TAF3: variants seen among roughly 807,000 people sequenced by gnomAD.
The protein encoded by TAF3 is transcription initiation factor TFIID subunit 3.
A neutral mutation model predicts 80.6 loss-of-function variants in TAF3; 7 were observed. The ratio of observed to expected loss-of-function variants is 0.09; its 90% confidence interval spans 0.05 to 0.16. The LOEUF (loss-of-function observed/expected upper bound fraction) is 0.16. Ranked by LOEUF, TAF3 falls within the 10% of genes least tolerant of loss-of-function variation. TAF3 has a pLI of 1.00. For missense variants in TAF3, 921 were observed against 1,140.2 expected (o/e 0.81, Z 2.77); for synonymous variants, 444 against 446.1 (o/e 1.00, Z 0.06).
At chr10:7,997,532 A>G (rs1284928861) in intron 4 of TAF3, among the ~76,000 whole-genome samples, 3 of 152,146 alleles carry the variant, frequency 2.0e-5, no homozygotes, top group Non-Finnish European at 2.9e-5. Context: ...GACCCATTCT[A>G]TTTATGTCAC....
intron 4 of TAF3, among the ~76,000 whole-genome samples, chr10:7,996,842 A>ATTTTTTTTT (rs34866346): frequency 3.1e-4 from 41 of 131,708 alleles, no homozygotes; most frequent in South Asian, 5.0e-4. Flanking sequence ...ACCACACTCT[A>ATTTTTTTTT]TTTTTTTTTT....
At chr10:7,907,250 C>G (rs1837615596) in intron 2 of TAF3, among the ~76,000 whole-genome samples, 1 of 152,136 alleles carries the variant, frequency 6.6e-6, no homozygotes, top group African/African-American at 2.4e-5. Context: ...AATCACAGCC[C>G]TTCTGCAGGG....
At chr10:7,841,589 G>A (rs1588519905) in intron 2 of TAF3, among the ~76,000 whole-genome samples, 1 of 152,194 alleles carries the variant, frequency 6.6e-6, no homozygotes, top group African/African-American at 2.4e-5. Flanking sequence ...GAGAAGGATG[G>A]ACTCAAGAGG....
chr10:7,839,827 T>C (rs187563147), intron 2 of TAF3, among the ~76,000 whole-genome samples: 1 of 152,378 alleles, frequency 6.6e-6, no homozygotes, highest in Admixed American at 6.5e-5. Context: ...GAAATCTCTG[T>C]GTCTCTTGCT....
chr10:7,860,148 T>C (rs1459854349), intron 2 of TAF3, among the ~76,000 whole-genome samples: 1 of 151,958 alleles, frequency 6.6e-6, no homozygotes, highest in Non-Finnish European at 1.5e-5. Flanking sequence ...GGTGCATGCC[T>C]GTAGTCCCAG....
chr10:7,845,988 C>G lies in TAF3; in HGVS notation c.409+21428C>G, dbSNP rs1380610896. On this transcript the variant is annotated intron_variant, in intron 2 of 6. Coordinates refer to ENST00000344293, the MANE Select transcript of TAF3 (RefSeq NM_031923.4). ...TTTTTTTTTTTTTTTGAGGCAATGTCTCGCCTGTCACCCAGGCTGGAGTGC... is the reference window on the plus strand; with the variant it reads ...TTTTTTTTTTTTTTTGAGGCAATGTGTCGCCTGTCACCCAGGCTGGAGTGC... Among the ~76,000 whole-genome samples the G allele has an allele frequency of 2.3e-5, 3 of 128,128 alleles. No homozygotes were observed. In the Admixed American group the frequency reaches 2.5e-4, roughly 11 times the overall value. The allele number at this position is 128,128 out of a possible 152,430, so 84.1% of individuals were successfully genotyped here.
At chr10:7,995,889 A>G (rs1203310957) in intron 4 of TAF3, among the ~76,000 whole-genome samples, 1 of 152,240 alleles carries the variant, frequency 6.6e-6, no homozygotes, top group Non-Finnish European at 1.5e-5. Context: ...GACTTGAAGA[A>G]TCAACATAAA....
At chr10:7,842,970 C>T (rs12414427) in intron 2 of TAF3, among the ~76,000 whole-genome samples, 2 of 152,128 alleles carry the variant, frequency 1.3e-5, no homozygotes, top group Admixed American at 6.5e-5. Flanking sequence ...TAATATCCTC[C>T]GGAATTCTTT....
intron 2 of TAF3, among the ~76,000 whole-genome samples, chr10:7,835,510 G>GGCCAGCTGTGATTCCACT (rs1166510451): frequency 6.6e-6 from 1 of 152,010 alleles, no homozygotes; most frequent in Non-Finnish European, 1.5e-5. Flanking sequence ...TCCTTTTTCT[G>GGCCAGCTGTGATTCCACT]GCCAGCTGTG....
chr10:7,894,255 G>A (rs1030468119), intron 2 of TAF3, among the ~76,000 whole-genome samples: 1 of 152,106 alleles, frequency 6.6e-6, no homozygotes, highest in Non-Finnish European at 1.5e-5. Flanking sequence ...CTCCCATGAC[G>A]GAGTTACTGT....
At position 7,977,304 on chromosome 10, in the gene TAF3, G is replaced by A. The variant is rs1250415514; in HGVS notation, c.2296G>A (p.Gly766Ser). Residue 766 changes from glycine (G) to serine (S), a missense_variant, in exon 4 of 7, where the codon GGT (glycine) becomes AGT (serine). Gly to Ser is a moderately conservative substitution (Grantham distance 56). Coordinates refer to ENST00000344293, the MANE Select transcript of TAF3 (RefSeq NM_031923.4). The stretch of plus-strand genomic sequence containing the variant: ...TATCCCCAGATTAACTCTCCGAGTC[G>A]GTGCTGGCCAAGACAAGATGTAAGT... Reference protein sequence around the residue: ...PVIPRLTLRVGAGQDKIVISK... With the variant: ...PVIPRLTLRVSAGQDKIVISK... 14 of 1,614,020 alleles carry A rather than the reference G, an allele frequency of 8.7e-6. No individual in the cohort carries two copies. Among genetic ancestry groups the A allele is most frequent in the Admixed American group, 1.7e-5 (1 of 60,010 alleles).
chr10:7,910,506 G>A (rs941755935), intron 2 of TAF3, among the ~76,000 whole-genome samples: 6 of 151,958 alleles, frequency 3.9e-5, no homozygotes, highest in East Asian at 1.9e-4. Context: ...TCAGCCTCCC[G>A]AGTAGCTGGG....
At chr10:7,978,499 A>G (rs1831694224) in intron 4 of TAF3, among the ~76,000 whole-genome samples, 3 of 152,192 alleles carry the variant, frequency 2.0e-5, no homozygotes, top group Admixed American at 2.0e-4. Flanking sequence ...TTCTCTGGAT[A>G]ATTTCCACAT....
chr10:7,856,796 G>A (rs1064134), intron 2 of TAF3, among the ~76,000 whole-genome samples: 57,064 of 144,562 alleles, frequency 0.39, 10,912 homozygotes, highest in South Asian at 0.53. Context: ...AAAGGACTCC[G>A]AAGCCAACTT....
chr10:7,833,320 A>C (rs756978998), intron 2 of TAF3, among the ~76,000 whole-genome samples: 1 of 152,230 alleles, frequency 6.6e-6, no homozygotes, highest in Non-Finnish European at 1.5e-5. Context: ...TCCCACCAAC[A>C]GTGTACAAGG....
rs371220200 is a variant in TAF3 at position 7,996,945 on chromosome 10, C to G, written c.2316-12133C>G. ...CTGAGCTCACACAGTCTGCCTGCCT[C>G]AGCCTCCCAAAGTGCTGGGATTATA... On this transcript the variant is annotated intron_variant, in intron 4 of 6. Coordinates refer to ENST00000344293, the MANE Select transcript of TAF3 (RefSeq NM_031923.4). Among the ~76,000 whole-genome samples the G allele has an allele frequency of 4.6e-5, 7 of 151,514 alleles. No individual in the cohort carries two copies. The East Asian group carries it at 7.7e-4, about 17-fold the overall frequency.
chr10:8,007,919 C>T (rs1335345965), intron 4 of TAF3, among the ~76,000 whole-genome samples: 3 of 151,884 alleles, frequency 2.0e-5, no homozygotes, highest in Non-Finnish European at 2.9e-5. Context: ...CTCAGATGTC[C>T]TGGCCCCAAG....
At chr10:7,868,557 GCA>G (rs1437155113) in intron 2 of TAF3, among the ~76,000 whole-genome samples, 1 of 152,226 alleles carries the variant, frequency 6.6e-6, no homozygotes, top group Admixed American at 6.5e-5. Context: ...TGCCTTGTAG[GCA>G]CACAATCTTG....
chr10:7,901,755 A>G (rs1387502217), intron 2 of TAF3, among the ~76,000 whole-genome samples: 3 of 152,354 alleles, frequency 2.0e-5, no homozygotes, highest in Non-Finnish European at 2.9e-5. Flanking sequence ...CAGAAATACA[A>G]TGGTATTAAA....
Sources: gnomAD v4.1 joint callset for allele counts (sites outside exome capture counted in the v4.1 genomes callset) on GRCh38, gnomAD v4.1.1 for gene constraint, MANE v1.5 for transcripts, NCBI Gene and HGNC (gene_info 2026-07-23, HGNC 2026-07-21) for gene names.